The following GPHN variants were observed in gnomAD, a reference collection of about 807,000 sequenced individuals.
The protein encoded by GPHN is gephyrin.
In GPHN, 17 loss-of-function variants were observed where a neutral mutation model predicts 95.5. The observed-to-expected ratio is 0.18, with a 90% CI of 0.12 to 0.27. The LOEUF is 0.27. Ranked by LOEUF, GPHN falls within the 10% of genes least tolerant of loss-of-function variation. GPHN has a pLI of 1.00. For missense variants in GPHN, 660 were observed against 978.1 expected, an observed-to-expected ratio of 0.67 and a Z score of 4.34; for synonymous variants, 320 against 322.5, an observed-to-expected ratio of 0.99 and a Z score of 0.08.
the GPHN span, among the ~76,000 whole-genome samples, chr14:67,242,826 A>G: frequency 6.6e-6 from 1 of 152,234 alleles, no homozygotes; most frequent in Non-Finnish European, 1.5e-5. Flanking sequence ...AGTTTTGGCA[A>G]GACGGACTTG....
At chr14:67,612,900 G>A in the GPHN span, among the ~76,000 whole-genome samples, 4 of 151,708 alleles carry the variant, frequency 2.6e-5, no homozygotes, top group Non-Finnish European at 2.9e-5. Flanking sequence ...AGCCGAGATC[G>A]CACCACTGCA....
rs373532965 is a variant in GPHN, at chr14:66,882,330, T to A, written c.389+2297T>A. The stretch of plus-strand genomic sequence containing the variant: ...TGTTTTACCATAGTTCTATAGCATG[T>A]TTTTTTCAGGTAAATTAATGCATCA... On this transcript the variant is annotated intron_variant, in intron 5 of 22. Coordinates refer to ENST00000478722, the MANE Select transcript of GPHN (RefSeq NM_020806.5). Among the ~76,000 whole-genome samples the A allele has an allele frequency of 1.1e-4, 17 of 151,916 alleles. 1 individual carries two copies. Among genetic ancestry groups the A allele is most frequent in the African/African-American group, 2.6e-4 (11 of 41,542 alleles).
At chr14:67,187,022 A>G in the GPHN span, among the ~76,000 whole-genome samples, 1 of 152,192 alleles carries the variant, frequency 6.6e-6, no homozygotes, top group Non-Finnish European at 1.5e-5. Flanking sequence ...AACGTCAGGA[A>G]GGAGGCAGAA....
chr14:67,444,676 A>C, the GPHN span, among the ~76,000 whole-genome samples: 3 of 152,210 alleles, frequency 2.0e-5, no homozygotes, highest in Non-Finnish European at 4.4e-5. Context: ...AGAAAGACCA[A>C]ATACGTGATT....
At chr14:66,548,381 A>G (rs1043320509) in intron 1 of GPHN, among the ~76,000 whole-genome samples, 2 of 151,882 alleles carry the variant, frequency 1.3e-5, no homozygotes, top group African/African-American at 4.8e-5. Flanking sequence ...GGGTTTCACC[A>G]TGTTGGCCAG....
intron 3 of GPHN, among the ~76,000 whole-genome samples, chr14:66,804,440 T>C (rs1041502702): frequency 6.6e-6 from 1 of 152,242 alleles, no homozygotes; most frequent in African/African-American, 2.4e-5. Context: ...AGATTTCATT[T>C]TGCCTTTCAT....
At chr14:66,790,926 A>G (rs917618705) in intron 3 of GPHN, among the ~76,000 whole-genome samples, 1 of 152,262 alleles carries the variant, frequency 6.6e-6, no homozygotes, top group Non-Finnish European at 1.5e-5. Context: ...CCATCAGCAA[A>G]GATTGCAAGG....
chr14:67,600,387 G>A, the GPHN span: 13 of 547,274 alleles, frequency 2.4e-5, no homozygotes, highest in African/African-American at 1.8e-4. Context: ...CTTCCGGGCC[G>A]GCCTTGACTG....
At chr14:66,546,527 G>A (rs1292459475) in intron 1 of GPHN, among the ~76,000 whole-genome samples, 1 of 152,216 alleles carries the variant, frequency 6.6e-6, no homozygotes, top group African/African-American at 2.4e-5. Flanking sequence ...CCGGCACCTC[G>A]GGAGGCCGAG....
At chr14:67,710,550 T>C in the GPHN span, among the ~76,000 whole-genome samples, 3 of 152,256 alleles carry the variant, frequency 2.0e-5, no homozygotes, top group East Asian at 5.8e-4. Flanking sequence ...TACCACACAA[T>C]ATTCTTTTTC....
intron 5 of GPHN, among the ~76,000 whole-genome samples, chr14:66,898,573 T>G (rs1035499803): frequency 4.0e-5 from 6 of 151,570 alleles, no homozygotes; most frequent in African/African-American, 1.5e-4. Flanking sequence ...CTAGTTCTGG[T>G]TTCTCTGTTC....
At chr14:67,551,654 C>T in the GPHN span, among the ~76,000 whole-genome samples, 7 of 151,964 alleles carry the variant, frequency 4.6e-5, no homozygotes, top group South Asian at 2.1e-4. Flanking sequence ...TTAGGGAGGC[C>T]GAGGCAGGCG....
chr14:66,938,086 T>C (rs1457090077), intron 8 of GPHN, among the ~76,000 whole-genome samples: 2 of 152,188 alleles, frequency 1.3e-5, no homozygotes, highest in Non-Finnish European at 2.9e-5. Context: ...GGTAGTGATA[T>C]TTGATTAGAT....
the GPHN span, among the ~76,000 whole-genome samples, chr14:67,341,391 C>T: frequency 4.0e-5 from 6 of 151,004 alleles, no homozygotes; most frequent in African/African-American, 9.8e-5. Context: ...GGAGCCCCTC[C>T]GCCCGGCAGC....
intron 11 of GPHN, among the ~76,000 whole-genome samples, chr14:67,078,228 T>C (rs2076568902): frequency 6.6e-6 from 1 of 152,148 alleles, no homozygotes; most frequent in Non-Finnish European, 1.5e-5. Context: ...ATATTAGTTA[T>C]ATTAATCGCC....
chr14:66,546,275 T>C (rs575233584), intron 1 of GPHN, among the ~76,000 whole-genome samples: 3 of 150,460 alleles, frequency 2.0e-5, no homozygotes, highest in African/African-American at 7.4e-5. Context: ...GAGACGCTCC[T>C]CACTTTCCAG....
intron 6 of GPHN, 45 bp from the exon 7 acceptor site, chr14:66,922,621 C>T (rs1239067439): frequency 6.6e-7 from 1 of 1,517,084 alleles, no homozygotes; most frequent in South Asian, 1.2e-5. Flanking sequence ...TATATAATTA[C>T]AAAAGTGCTT....
chr14:66,915,939 T>G (rs1484893890), intron 5 of GPHN, 64 bp from the exon 6 acceptor site: 1 of 866,286 alleles, frequency 1.2e-6, no homozygotes, highest in Non-Finnish European at 2.0e-6. Flanking sequence ...TTATTTGTTC[T>G]TAATGTATTT....
chr14:67,095,935 T>C (rs1429840094), intron 12 of GPHN, among the ~76,000 whole-genome samples: 1 of 29,364 alleles, frequency 3.4e-5, no homozygotes, highest in Non-Finnish European at 6.9e-5. Flanking sequence ...ATAATAATAA[T>C]AAAAAAACAA....
Sources: allele counts gnomAD v4.1 joint callset (sites outside exome capture counted in the v4.1 genomes callset), GRCh38; gene constraint gnomAD v4.1.1; transcripts MANE v1.5; gene names NCBI Gene and HGNC (gene_info 2026-07-23, HGNC 2026-07-21).